ASIC2: variants seen among roughly 807,000 people sequenced by gnomAD.
ASIC2 encodes the protein acid-sensing ion channel 2.
Under a neutral mutation model 57.3 loss-of-function variants are expected in ASIC2, and 25 were observed. That is an observed-to-expected ratio of 0.44 (90% CI 0.32 to 0.61). The LOEUF is 0.61. Among genes scored for constraint, ASIC2 ranks in the 20% least tolerant of loss-of-function variants. The probability of loss-of-function intolerance (pLI) is 0.06; values close to 1 mark genes in which losing one functional copy is unlikely to be tolerated. For synonymous variants in ASIC2, 319 were observed against 307.5 expected, an observed-to-expected ratio of 1.04 and a Z score of -0.39; for missense variants, 641 against 738.1, an observed-to-expected ratio of 0.87 and a Z score of 1.52.
chr17:33,973,501 G>A (rs1406387167), intron 1 of ASIC2, among the ~76,000 whole-genome samples: 1 of 152,212 alleles, frequency 6.6e-6, no homozygotes, highest in Non-Finnish European at 1.5e-5. Context: ...TCACTGCCCA[G>A]CAGGGCAGGG....
chr17:33,374,292 C>T (rs773883475), intron 1 of ASIC2, among the ~76,000 whole-genome samples: 2 of 152,136 alleles, frequency 1.3e-5, no homozygotes, highest in African/African-American at 4.8e-5. Context: ...CCACCGCACC[C>T]GACCCAATTG....
chr17:33,087,923 A>G (rs1193240777), intron 3 of ASIC2, among the ~76,000 whole-genome samples: 3 of 152,186 alleles, frequency 2.0e-5, no homozygotes, highest in Admixed American at 6.5e-5. Flanking sequence ...GATCAGTACC[A>G]GATGAAAGAT....
At chr17:34,054,726 C>T (rs2142056167) in intron 1 of ASIC2, among the ~76,000 whole-genome samples, 2 of 152,260 alleles carry the variant, frequency 1.3e-5, no homozygotes, top group South Asian at 4.2e-4. Context: ...TGCTTAACCT[C>T]AGGGCTGAAG....
chr17:33,784,843 A>G (rs1231852195), intron 1 of ASIC2, among the ~76,000 whole-genome samples: 1 of 152,222 alleles, frequency 6.6e-6, no homozygotes, highest in East Asian at 1.9e-4. Flanking sequence ...CCCAGACAGT[A>G]GTGAAGTGTG....
chr17:33,175,745 C>T (rs1215790885), intron 1 of ASIC2, among the ~76,000 whole-genome samples: 2 of 152,172 alleles, frequency 1.3e-5, no homozygotes, highest in Non-Finnish European at 2.9e-5. Flanking sequence ...TGCTTCTCCC[C>T]CCTCCACTCA....
chr17:33,581,138 TC>T (rs1904423230), intron 1 of ASIC2: 1 of 152,196 alleles, frequency 6.6e-6, no homozygotes, highest in African/African-American at 2.4e-5. Context: ...CTCAATGTAA[TC>T]CCATGTGTTC....
At chr17:33,631,892 A>C (rs1304599586) in intron 1 of ASIC2, among the ~76,000 whole-genome samples, 1 of 152,212 alleles carries the variant, frequency 6.6e-6, no homozygotes, top group Admixed American at 6.5e-5. Context: ...GGTATGGTGT[A>C]GGACAGATGA....
At chr17:33,685,853 T>C (rs1271036963) in intron 1 of ASIC2, among the ~76,000 whole-genome samples, 6 of 152,132 alleles carry the variant, frequency 3.9e-5, no homozygotes, top group African/African-American at 1.4e-4. Context: ...GGTGCCCATA[T>C]CTCTGCTTAG....
At chr17:33,965,963 C>G (rs908239457) in intron 1 of ASIC2, among the ~76,000 whole-genome samples, 1 of 152,220 alleles carries the variant, frequency 6.6e-6, no homozygotes, top group Non-Finnish European at 1.5e-5. Flanking sequence ...CTTGCCTATG[C>G]TCTCCTCCTC....
chr17:33,952,755 A>G (rs1162794348), intron 1 of ASIC2, among the ~76,000 whole-genome samples: 2 of 152,228 alleles, frequency 1.3e-5, no homozygotes, highest in African/African-American at 4.8e-5. Flanking sequence ...AATGGGAAAA[A>G]AGTAAAAAAC....
chr17:33,052,145 C>G (rs1220804908), intron 3 of ASIC2: 1 of 152,144 alleles, frequency 6.6e-6, no homozygotes, highest in East Asian at 1.9e-4. Flanking sequence ...CGTATCTCAC[C>G]CTTGTTCTCA....
intron 2 of ASIC2, among the ~76,000 whole-genome samples, chr17:33,107,816 A>G (rs1210838991): frequency 6.6e-6 from 1 of 152,194 alleles, no homozygotes; most frequent in Non-Finnish European, 1.5e-5. Flanking sequence ...TATCCCCAGA[A>G]GAGTGGTTCC....
At chr17:34,081,133 C>A (rs1187028054) in intron 1 of ASIC2, among the ~76,000 whole-genome samples, 6 of 152,122 alleles carry the variant, frequency 3.9e-5, no homozygotes, top group Non-Finnish European at 8.8e-5. Context: ...GGGCCAATTG[C>A]ACTGAAACCC....
chr17:33,188,677 T>C (rs1376825873), intron 1 of ASIC2, among the ~76,000 whole-genome samples: 2 of 152,096 alleles, frequency 1.3e-5, no homozygotes, highest in African/African-American at 4.8e-5. Flanking sequence ...TGAGAGAAAG[T>C]AACTGTTAAC....
At chr17:33,932,748 A>C (rs1196325961) in intron 1 of ASIC2, 2 of 132,252 alleles carry the variant, frequency 1.5e-5, no homozygotes, top group Non-Finnish European at 3.2e-5. Context: ...AAAAATATAT[A>C]TATATATATA....
At chr17:34,126,873 T>C (rs191730754) in intron 1 of ASIC2, among the ~76,000 whole-genome samples, 18 of 152,292 alleles carry the variant, frequency 1.2e-4, no homozygotes, top group Admixed American at 9.8e-4. Context: ...ATGCTGATGC[T>C]GCTAGTGCGT....
At chr17:33,399,359 T>C (rs1910197638) in intron 1 of ASIC2, among the ~76,000 whole-genome samples, 2 of 152,172 alleles carry the variant, frequency 1.3e-5, no homozygotes, top group South Asian at 2.1e-4. Flanking sequence ...TGCTGGAGGA[T>C]AGCCAAAGGC....
chr17:33,831,008 G>A (rs1567728130), intron 1 of ASIC2, among the ~76,000 whole-genome samples: 1 of 149,832 alleles, frequency 6.7e-6, no homozygotes, highest in Non-Finnish European at 1.5e-5. Flanking sequence ...TACTCGGGAG[G>A]CTGAGGCAGG....
chr17:33,247,909 AAGT>A (rs1225857286), intron 1 of ASIC2, among the ~76,000 whole-genome samples: 4 of 152,226 alleles, frequency 2.6e-5, no homozygotes, highest in African/African-American at 9.6e-5. Context: ...TTAGACTCTG[AAGT>A]ATATGTGTAT....
Sources: gnomAD v4.1 joint callset for allele counts (sites outside exome capture counted in the v4.1 genomes callset) on GRCh38, gnomAD v4.1.1 for gene constraint, MANE v1.5 for transcripts, NCBI Gene and HGNC (gene_info 2026-07-23, HGNC 2026-07-21) for gene names.